LATS1: variants seen among roughly 807,000 people sequenced by gnomAD.
LATS1 encodes the protein large tumor suppressor kinase 1, also known as serine/threonine-protein kinase LATS1.
LATS1 carries 25 observed loss-of-function variants against 106.6 expected under a neutral mutation model. The observed-to-expected ratio is 0.23, with a 90% CI of 0.17 to 0.33. The LOEUF (loss-of-function observed/expected upper bound fraction) is 0.33. Ranked by LOEUF, LATS1 falls within the 10% of genes least tolerant of loss-of-function variation. LATS1 has a pLI of 1.00. For missense variants in LATS1, 1,040 were observed against 1,382.6 expected, an observed-to-expected ratio of 0.75 and a Z score of 3.93; for synonymous variants, 465 against 455.6, an observed-to-expected ratio of 1.02 and a Z score of -0.26.
intron 2 of LATS1, among the ~76,000 whole-genome samples, chr6:149,695,653 C>T (rs1213487144): frequency 1.4e-5 from 2 of 143,374 alleles, no homozygotes; most frequent in Admixed American, 1.4e-4. Context: ...CCAGCCTGGG[C>T]AACAGAGCGA....
In LATS1 at chr6:149,676,251, A is replaced by G; in HGVS notation, c.2883+9T>C. On this transcript the variant is annotated intron_variant, in intron 7 of 7. Transcript: ENST00000543571. ...TGAGAATTCTTTTGATATAGATGCC[A>G]TACCTTACCTTCATTTGTGTTTCTA... 3 of 1,565,054 alleles carry G rather than the reference A, an allele frequency of 1.9e-6. No individual in the cohort carries two copies. The highest frequency in any genetic ancestry group is 2.6e-6 in the Non-Finnish European group (3 of 1,135,372).
rs182080510 is a variant in LATS1 at position 149,658,881 on chromosome 6, A to C, written c.*2848T>G. On this transcript the variant is annotated 3_prime_UTR_variant, in exon 8 of 8. Coordinates refer to ENST00000543571, the MANE Select transcript of LATS1 (RefSeq NM_004690.4). ...ATAAATACTATTGATATGCATAAAAAGGGTAAGTATAATAAAGACAGCAAG... is the reference window on the plus strand; with the variant it reads ...ATAAATACTATTGATATGCATAAAACGGGTAAGTATAATAAAGACAGCAAG... 2.6e-5 allele frequency: 4 copies of C among 152,364 alleles called. No homozygotes were observed. Among genetic ancestry groups the C allele is most frequent in the Admixed American group, 2.6e-4 (4 of 15,312 alleles). 9.4% of individuals were successfully genotyped at this position (152,364 alleles called of 1,614,324 possible). A position where few individuals can be genotyped will look rare whatever the true frequency, so the allele number is the denominator to read the frequency against.
In LATS1 at chr6:149,679,875, C is replaced by A; in HGVS notation, c.2593G>T (p.Gly865Cys). The A allele has an allele frequency of 6.4e-7, 1 of 1,552,390 alleles. No homozygotes were observed. The change falls in exon 5 of 8, where the codon GGT (glycine) becomes TGT (cysteine). Residue 865 changes from glycine (G) to cysteine (C), a missense_variant and splice_region_variant. By Grantham distance (159) the Gly-to-Cys change is radical. Coordinates refer to ENST00000543571, the MANE Select transcript of LATS1 (RefSeq NM_004690.4). Reference sequence around the variant, plus strand: ...AAATAAATTTTATGAGTTTACTTACCACTCTGATAGTACTTAGAATCGTGT... The same window carrying A: ...AAATAAATTTTATGAGTTTACTTACAACTCTGATAGTACTTAGAATCGTGT... Reference protein sequence around the residue: ...WTHDSKYYQSGDHPRQDSMDF... With the variant: ...WTHDSKYYQSCDHPRQDSMDF...
intron 1 of LATS1, chr6:149,716,371 T>C (rs1410725391): frequency 3.3e-5 from 5 of 152,290 alleles, no homozygotes; most frequent in East Asian, 1.9e-4. Flanking sequence ...TTTCTAATAA[T>C]TGTCAGATCA....
chr6:149,693,779 G>A (rs974833498), intron 3 of LATS1, among the ~76,000 whole-genome samples: 5 of 151,946 alleles, frequency 3.3e-5, no homozygotes, highest in East Asian at 1.9e-4. Flanking sequence ...CATAGTAAAC[G>A]GATAGGGAGA....
At chr6:149,698,865 G>T (rs955066625) in intron 2 of LATS1, among the ~76,000 whole-genome samples, 2 of 152,094 alleles carry the variant, frequency 1.3e-5, no homozygotes, top group African/African-American at 4.8e-5. Flanking sequence ...CTAGCCAGAA[G>T]TCTTATGTGA....
At chr6:149,692,674 TTTC>T (rs1782829210) in intron 3 of LATS1, among the ~76,000 whole-genome samples, 1 of 150,470 alleles carries the variant, frequency 6.6e-6, no homozygotes, top group African/African-American at 2.5e-5. Context: ...TTTCTTTTTC[TTTC>T]TTTTTTTTTT....
chr6:149,684,458 C>T lies in LATS1; in HGVS notation c.631G>A (p.Val211Ile). ...CCAGATCCAGACAAAGGTCTTCCTA[C>T]ATCTGTCTGTGAGTTGGGACTCTCA... ...HSESPNSQTD[V>I]GRPLSGSGIS... Residue 211 changes from valine (V) to isoleucine (I), a missense_variant, in exon 4 of 8, where the codon GTA becomes ATA. By Grantham distance (29) the Val-to-Ile change is conservative. Around this residue, in one of 7 missense-constraint regions of LATS1, gnomAD observed 624 missense variants for 714.8 expected, o/e 0.87. Coordinates refer to ENST00000543571, the MANE Select transcript of LATS1 (RefSeq NM_004690.4). 1 of 1,614,142 alleles carries T rather than the reference C, an allele frequency of 6.2e-7. No homozygotes were observed. Among genetic ancestry groups the T allele is most frequent in the South Asian group, 1.1e-5 (1 of 91,086 alleles).
At chr6:149,667,438 CAAAAAAAAAA>C (rs1189854950) in intron 7 of LATS1, among the ~76,000 whole-genome samples, 1 of 33,958 alleles carries the variant, frequency 2.9e-5, no homozygotes, top group Non-Finnish European at 5.0e-5. Flanking sequence ...GACTGTATCT[CAAAAAAAAAA>C]AAAAAAAAAA....
In LATS1 at chr6:149,684,023, A is replaced by G; in HGVS notation, c.1066T>C (p.Phe356Leu). 1 of 1,614,054 alleles carries G rather than the reference A, an allele frequency of 6.2e-7. No homozygotes were observed. The highest frequency in any genetic ancestry group is 8.5e-7 in the Non-Finnish European group (1 of 1,180,016). ...GMQNGTGQTDFMIHQNVVPAG... is the reference protein window; with the variant it reads ...GMQNGTGQTDLMIHQNVVPAG... Reference sequence around the variant, plus strand: ...GGGACAACATTTTGGTGTATCATGAAATCAGTTTGTCCAGTACCATTCTGC... The same window carrying G: ...GGGACAACATTTTGGTGTATCATGAGATCAGTTTGTCCAGTACCATTCTGC... Residue 356 changes from phenylalanine (F) to leucine (L), a missense_variant, in exon 4 of 8, where the codon TTC becomes CTC. Transcript: ENST00000543571.
chr6:149,700,366 G>A (rs1220409874), intron 2 of LATS1, among the ~76,000 whole-genome samples: 5 of 151,988 alleles, frequency 3.3e-5, no homozygotes, highest in African/African-American at 9.7e-5. Context: ...CCAGCTACTC[G>A]GGAGGCTGAG....
chr6:149,668,601 C>T (rs927252997), intron 7 of LATS1, among the ~76,000 whole-genome samples: 7 of 134,142 alleles, frequency 5.2e-5, no homozygotes, highest in Non-Finnish European at 9.3e-5. Context: ...ATCCACCATG[C>T]CCAGCTATTT....
intron 1 of LATS1, among the ~76,000 whole-genome samples, chr6:149,711,973 A>G (rs947616198): frequency 1.3e-5 from 2 of 151,154 alleles, no homozygotes; most frequent in African/African-American, 4.8e-5. Context: ...AGTGAGTGAC[A>G]GAGAGAGAGA....
intron 2 of LATS1, among the ~76,000 whole-genome samples, chr6:149,700,964 G>A (rs1356958144): frequency 6.6e-6 from 1 of 152,150 alleles, no homozygotes; most frequent in Non-Finnish European, 1.5e-5. Context: ...GATATCTTTA[G>A]TAGAGACAGG....
At chr6:149,699,058 CAA>C (rs11290034) in intron 2 of LATS1, among the ~76,000 whole-genome samples, 3,014 of 141,662 alleles carry the variant, frequency 0.021, 113 homozygotes, top group African/African-American at 0.072. Context: ...AACACATTCT[CAA>C]AAAAAAAAAA....
In LATS1 at chr6:149,706,183, CAAAAAAAAAAAAAAAAAAAAAAA is replaced by C. The variant is rs60729757; in HGVS notation, c.-140-3940_-140-3918del. On this transcript the variant is annotated intron_variant, in intron 1 of 7. Transcript: ENST00000543571. ...GGGCAACAAGAGCGAAACCCGGTCGCAAAAAAAAAAAAAAAAAAAAAAAAAAAAAAAAAAAAAAAAAGATATTC... is the reference window on the plus strand; with the variant it reads ...GGGCAACAAGAGCGAAACCCGGTCGCAAAAAAAAAAAAAAAAAAGATATTC... Among the ~76,000 whole-genome samples, 48 of 25,298 alleles carry C rather than the reference CAAAAAAAAAAAAAAAAAAAAAAA, an allele frequency of 1.9e-3. 2 individuals are homozygous for C. The highest frequency in any genetic ancestry group is 6.4e-3 in the South Asian group (3 of 472). 16.6% of individuals were successfully genotyped at this position (25,298 alleles called of 152,430 possible).
chr6:149,709,879 T>A lies in LATS1; in HGVS notation c.-140-7613A>T, dbSNP rs146604951. Among the ~76,000 whole-genome samples, 707 of 152,128 alleles carry A rather than the reference T, an allele frequency of 4.6e-3. 4 individuals carry two copies. The highest frequency in any genetic ancestry group is 9.6e-3 in the Admixed American group (147 of 15,274). ...TTAGTAGAGATGGGGTTTCACTATGTTGGCCAAGCTGGTCTTGAACTCCTG... is the reference window on the plus strand; with the variant it reads ...TTAGTAGAGATGGGGTTTCACTATGATGGCCAAGCTGGTCTTGAACTCCTG... On this transcript the variant is annotated intron_variant, in intron 1 of 7. Coordinates refer to ENST00000543571, the MANE Select transcript of LATS1 (RefSeq NM_004690.4).
At chr6:149,687,843 C>T (rs1359135332) in intron 3 of LATS1, among the ~76,000 whole-genome samples, 1 of 151,602 alleles carries the variant, frequency 6.6e-6, no homozygotes, top group Non-Finnish European at 1.5e-5. Flanking sequence ...GCTGGGATTA[C>T]AGGCGTGAGC....
At chr6:149,707,451 G>A (rs1293735321) in intron 1 of LATS1, among the ~76,000 whole-genome samples, 2 of 152,156 alleles carry the variant, frequency 1.3e-5, no homozygotes, top group Non-Finnish European at 1.5e-5. Flanking sequence ...GACAAGAAGA[G>A]AATGTATTGT....
Sources: allele counts gnomAD v4.1 joint callset (sites outside exome capture counted in the v4.1 genomes callset), GRCh38; gene constraint gnomAD v4.1.1; regional missense constraint gnomAD v4.1.1; transcripts MANE v1.5; gene names NCBI Gene and HGNC (gene_info 2026-07-23, HGNC 2026-07-21).